ABCC4: variants seen among roughly 807,000 people sequenced by gnomAD.
ABCC4 encodes the protein ATP binding cassette subfamily C member 4 (PEL blood group).
A neutral mutation model predicts 168.5 loss-of-function variants in ABCC4; 102 were observed. The ratio of observed to expected loss-of-function variants is 0.61; its 90% CI spans 0.52 to 0.71. ABCC4 has a LOEUF of 0.71. ABCC4 is among the 30% of genes least tolerant of loss of function. ABCC4 has a pLI of 0.00. For synonymous variants in ABCC4, 617 were observed against 590.7 expected (o/e 1.04, Z -0.65); for missense variants, 1,402 against 1,605.8 (o/e 0.87, Z 2.17).
chr13:95,247,914 ATG>A (rs2040150796), intron 1 of ABCC4, among the ~76,000 whole-genome samples, 161 bp from the exon 2 acceptor site: 1 of 141,386 alleles, frequency 7.1e-6, no homozygotes, highest in Non-Finnish European at 1.5e-5. Flanking sequence ...AAAAGTTAAC[ATG>A]TGCACACACA....
intron 21 of ABCC4, among the ~76,000 whole-genome samples, chr13:95,079,375 G>A (rs73557775): frequency 0.037 from 5,658 of 152,276 alleles, 148 homozygotes; most frequent in African/African-American, 0.075. Flanking sequence ...GTCTTGCTGC[G>A]GGGTACTGAC....
chr13:95,188,473 C>G lies in ABCC4; in HGVS notation c.1333G>C (p.Gly445Arg). 1 of 1,614,090 alleles carries G rather than the reference C, an allele frequency of 6.2e-7. No homozygotes were observed. Among genetic ancestry groups the G allele is most frequent in the Non-Finnish European group, 8.5e-7 (1 of 1,179,978 alleles). ...VRPGELLAVV[G>R]PVGAGKSSLL... is the part of the protein sequence containing the mutation. ...CTCACCTTCCCTGCTCCCACGGGGC[C>G]GACCACAGCTAACAATTCGCCAGGT... Residue 445 changes from glycine to arginine, a missense_variant, in exon 10 of 31, where the codon GGC becomes CGC. Gly to Arg is a moderately radical substitution (Grantham distance 125). Around this residue, in one of 3 missense-constraint regions of ABCC4, gnomAD observed 1,007 missense variants for 1,127.3 expected, o/e 0.89. Transcript: ENST00000645237.
intron 19 of ABCC4, among the ~76,000 whole-genome samples, chr13:95,141,074 C>T (rs1410944282): frequency 6.6e-6 from 1 of 152,210 alleles, no homozygotes. Flanking sequence ...ATAGACTCTG[C>T]ATCCCTCAGA....
At chr13:95,233,430 T>C (rs2039679456) in intron 4 of ABCC4, among the ~76,000 whole-genome samples, 1 of 151,866 alleles carries the variant, frequency 6.6e-6, no homozygotes. Context: ...TTCTCACTTA[T>C]AAGTGGGAGG....
chr13:95,249,479 C>T (rs2040201270), intron 1 of ABCC4, among the ~76,000 whole-genome samples: 1 of 152,160 alleles, frequency 6.6e-6, no homozygotes, highest in Non-Finnish European at 1.5e-5. Flanking sequence ...GATTGGAGCA[C>T]ACACTGCAGG....
In ABCC4 at chr13:95,073,264, G is replaced by A; in HGVS notation, c.2958C>T (p.Ala986=). The A allele has an allele frequency of 6.2e-7, 1 of 1,613,884 alleles. No individual in the cohort carries two copies. Among genetic ancestry groups the A allele is most frequent in the Non-Finnish European group, 8.5e-7 (1 of 1,179,904 alleles). ...AGQVGLALSY[A]LTLMGMFQWC... ...ACTGAAACATCCCCATGAGCGTGAGGGCATAGGACAGTGCCAAACCAACCT... is the reference window on the plus strand; with the variant it reads ...ACTGAAACATCCCCATGAGCGTGAGAGCATAGGACAGTGCCAAACCAACCT... Residue 986 remains alanine (A), a synonymous_variant, in exon 24 of 31, where the codon GCC becomes GCT. Transcript: ENST00000645237.
At chr13:95,234,942 G>C (rs2039724877) in intron 3 of ABCC4, 108 bp from the exon 4 acceptor site, 2 of 801,750 alleles carry the variant, frequency 2.5e-6, no homozygotes, top group Non-Finnish European at 3.8e-6. Flanking sequence ...CCATGCTGGA[G>C]TATAGTGGCA....
intron 1 of ABCC4, among the ~76,000 whole-genome samples, chr13:95,263,591 G>A (rs916408752): frequency 1.3e-5 from 2 of 152,212 alleles, no homozygotes; most frequent in Admixed American, 6.5e-5. Flanking sequence ...GGGAGGCCAA[G>A]GTGGGTGAAT....
intron 1 of ABCC4, among the ~76,000 whole-genome samples, chr13:95,249,514 C>T (rs75832314): frequency 0.034 from 5,235 of 152,196 alleles, 127 homozygotes; most frequent in Middle Eastern, 0.088. Context: ...GTTCAGGATT[C>T]CGGAAACCTC....
intron 19 of ABCC4, among the ~76,000 whole-genome samples, chr13:95,154,206 T>A (rs1038158696): frequency 8.5e-5 from 13 of 152,238 alleles, no homozygotes; most frequent in Admixed American, 8.5e-4. Flanking sequence ...TGTTTTTGTT[T>A]TGCAACAAAG....
intron 4 of ABCC4, among the ~76,000 whole-genome samples, chr13:95,232,843 G>A (rs920948820): frequency 6.6e-6 from 1 of 152,096 alleles, no homozygotes. Flanking sequence ...TAAGACCACA[G>A]CAAACTATGG....
intron 20 of ABCC4, among the ~76,000 whole-genome samples, chr13:95,106,480 C>T (rs1268655505): frequency 1.3e-5 from 2 of 150,568 alleles, no homozygotes; most frequent in Non-Finnish European, 3.0e-5. Context: ...ATCTGTGATG[C>T]TTTTTTCTAG....
intron 1 of ABCC4, among the ~76,000 whole-genome samples, chr13:95,249,841 G>C (rs1017614895): frequency 6.6e-6 from 1 of 152,308 alleles, no homozygotes; most frequent in African/African-American, 2.4e-5. Context: ...AGGAAAGTGA[G>C]AATGGTAACT....
intron 29 of ABCC4, among the ~76,000 whole-genome samples, chr13:95,036,716 A>C (rs2032135844): frequency 1.3e-5 from 2 of 152,168 alleles, no homozygotes; most frequent in South Asian, 4.1e-4. Flanking sequence ...TTAAAATTTT[A>C]ACTTCTATAA....
intron 19 of ABCC4, among the ~76,000 whole-genome samples, chr13:95,155,672 C>T (rs1035203233): frequency 6.6e-6 from 1 of 152,118 alleles, no homozygotes; most frequent in Non-Finnish European, 1.5e-5. Flanking sequence ...TGGAGAAAAA[C>T]CAGTTGTGTA....
In ABCC4 at chr13:95,172,893, T is replaced by C. The variant is rs568648472; in HGVS notation, c.1728-2265A>G. ...GTGATCATGCCATTGCACTTCAGCC[T>C]GGGTGACAGGGCAAAACTCTGTCAA... On this transcript the variant is annotated intron_variant, in intron 13 of 30. Coordinates refer to ENST00000645237, the MANE Select transcript of ABCC4 (RefSeq NM_005845.5). Among the ~76,000 whole-genome samples the C allele has an allele frequency of 7.2e-5, 11 of 152,226 alleles. No homozygotes were observed. In the South Asian group the frequency reaches 1.0e-3, roughly 14 times the overall value.
intron 11 of ABCC4, among the ~76,000 whole-genome samples, 198 bp from the exon 12 acceptor site, chr13:95,178,289 A>T (rs2037776263): frequency 6.6e-6 from 1 of 152,262 alleles, no homozygotes; most frequent in South Asian, 2.1e-4. Context: ...CAGTCAGGGC[A>T]CGTTATCTAT....
In ABCC4 at chr13:95,209,484, G is replaced by C; in HGVS notation, c.735C>G (p.Ile245Met). 6.2e-7 allele frequency: 1 copy of C among 1,614,232 alleles called. No homozygotes were observed. The highest frequency in any genetic ancestry group is 8.5e-7 in the Non-Finnish European group (1 of 1,180,022). ...AACAGCTTTGCAAGGGCAGGAGAAT[G>C]ATTAGAACTGCCATCCCAGCAAGGC... ...ISCLAGMAVL[I>M]ILLPLQSCFG... The change falls in exon 6 of 31, where the codon ATC becomes ATG. Residue 245 changes from isoleucine to methionine, a missense_variant. Around this residue, in one of 3 missense-constraint regions of ABCC4, gnomAD observed 317 missense variants for 345.5 expected, o/e 0.92. Coordinates refer to ENST00000645237, the MANE Select transcript of ABCC4 (RefSeq NM_005845.5).
At chr13:95,300,085 C>T (rs1012443666) in intron 1 of ABCC4, among the ~76,000 whole-genome samples, 2 of 152,202 alleles carry the variant, frequency 1.3e-5, no homozygotes, top group Non-Finnish European at 2.9e-5. Flanking sequence ...CGTGATCCAC[C>T]CACCTCTGCC....
Sources: gnomAD v4.1 joint callset for allele counts (sites outside exome capture counted in the v4.1 genomes callset) on GRCh38, gnomAD v4.1.1 for gene constraint, gnomAD v4.1.1 regional missense constraint, MANE v1.5 for transcripts, NCBI Gene and HGNC (gene_info 2026-07-23, HGNC 2026-07-21) for gene names.